The following DOCK8 variants were observed in gnomAD, a reference collection of about 807,000 sequenced individuals.
The protein encoded by DOCK8 is dedicator of cytokinesis protein 8.
Under a neutral mutation model 245.6 loss-of-function variants are expected in DOCK8, and 141 were observed. That is an observed-to-expected ratio of 0.57 (90% CI 0.50 to 0.66). DOCK8 has a LOEUF of 0.66. Ranked by LOEUF, DOCK8 falls within the 30% of genes least tolerant of loss-of-function variation. DOCK8 has a pLI of 0.00. For missense variants in DOCK8, 2,965 were observed against 2,603.4 expected, an observed-to-expected ratio of 1.14 and a Z score of -3.02; for synonymous variants, 1,168 against 970.2, an observed-to-expected ratio of 1.20 and a Z score of -3.79.
intron 14 of DOCK8, 24 bp from the exon 15 acceptor site, chr9:367,994 G>T (rs1163991423): frequency 2.5e-6 from 4 of 1,572,290 alleles, no homozygotes; most frequent in East Asian, 2.2e-5. Context: ...CTTTTTCATT[G>T]ATTCTTTATC....
intron 4 of DOCK8, among the ~76,000 whole-genome samples, chr9:295,544 T>C: frequency 6.6e-6 from 1 of 152,098 alleles, no homozygotes; most frequent in Middle Eastern, 3.2e-3. Context: ...AACACAAAAT[T>C]CTCTCCCATA....
intron 2 of DOCK8, 27 bp downstream of exon 2, chr9:271,756 G>C: frequency 6.6e-7 from 1 of 1,515,684 alleles, no homozygotes; most frequent in East Asian, 2.5e-5. Context: ...GGTTTACTTA[G>C]CGATTGGTCA....
chr9:385,788 A>G (rs1241131519), intron 22 of DOCK8, among the ~76,000 whole-genome samples: 1 of 152,224 alleles, frequency 6.6e-6, no homozygotes, highest in Admixed American at 6.5e-5. Flanking sequence ...GTCTGCAGCT[A>G]TTACTGACAG....
intron 46 of DOCK8, 45 bp downstream of exon 46, chr9:452,162 C>A (rs781151741): frequency 2.3e-6 from 3 of 1,300,132 alleles, no homozygotes; most frequent in East Asian, 4.8e-5. Context: ...CAGTGGTTCT[C>A]AAAGTGCAAT....
At chr9:302,596 G>A (rs923210078) in intron 4 of DOCK8, among the ~76,000 whole-genome samples, 11 of 152,226 alleles carry the variant, frequency 7.2e-5, no homozygotes, top group East Asian at 5.8e-4. Context: ...TTTGCAAACC[G>A]TAAATCTGAA....
chr9:305,116 T>G (rs2049758156), intron 5 of DOCK8, among the ~76,000 whole-genome samples: 1 of 152,146 alleles, frequency 6.6e-6, no homozygotes, highest in Non-Finnish European at 1.5e-5. Flanking sequence ...ATAATTAAAC[T>G]TATTGGGCTT....
chr9:298,449 A>C (rs1157582919), intron 4 of DOCK8, among the ~76,000 whole-genome samples: 1 of 152,188 alleles, frequency 6.6e-6, no homozygotes, highest in African/African-American at 2.4e-5. Flanking sequence ...AACAGAAAAA[A>C]GAATTGATTT....
chr9:217,582 T>C (rs911820044), intron 1 of DOCK8, among the ~76,000 whole-genome samples: 1 of 152,230 alleles, frequency 6.6e-6, no homozygotes, highest in African/African-American at 2.4e-5. Context: ...TTTTCCTTTT[T>C]GAAGCACTCT....
chr9:424,198 C>G (rs1030014393), intron 33 of DOCK8, among the ~76,000 whole-genome samples: 1 of 151,394 alleles, frequency 6.6e-6, no homozygotes, highest in African/African-American at 2.4e-5. Flanking sequence ...GGCTCTGTTT[C>G]TTTTAGAGCA....
chr9:430,874 T>TTTAC (rs1319959773), intron 36 of DOCK8, among the ~76,000 whole-genome samples: 1 of 152,064 alleles, frequency 6.6e-6, no homozygotes, highest in African/African-American at 2.4e-5. Flanking sequence ...TAATATTTTA[T>TTTAC]TTATTTATTT....
chr9:392,542 C>T (rs1347399879), intron 24 of DOCK8, among the ~76,000 whole-genome samples: 1 of 152,204 alleles, frequency 6.6e-6, no homozygotes, highest in African/African-American at 2.4e-5. Flanking sequence ...GTGCATTTAC[C>T]TGTCTTCTCA....
At chr9:230,173 C>T (rs549857507) in intron 1 of DOCK8, among the ~76,000 whole-genome samples, 14 of 150,954 alleles carry the variant, frequency 9.3e-5, no homozygotes, top group South Asian at 4.2e-4. Context: ...TTTGTCCTTG[C>T]GATAGTTTGC....
chr9:262,673 G>A (rs78029983), intron 1 of DOCK8, among the ~76,000 whole-genome samples: 2,438 of 151,862 alleles, frequency 0.016, 25 homozygotes, highest in Non-Finnish European at 0.025. Flanking sequence ...CCAGGAGACG[G>A]AGGGTAAAAA....
intron 1 of DOCK8, among the ~76,000 whole-genome samples, chr9:226,195 T>TA (rs1451126102): frequency 6.6e-6 from 1 of 152,146 alleles, no homozygotes; most frequent in Non-Finnish European, 1.5e-5. Flanking sequence ...AGGCATATCT[T>TA]AAACGGCGGC....
chr9:358,895 G>C (rs1159709335), intron 14 of DOCK8, among the ~76,000 whole-genome samples: 2 of 152,170 alleles, frequency 1.3e-5, no homozygotes, highest in Admixed American at 6.5e-5. Context: ...AATTTGAGCT[G>C]CCTAGCAGCC....
At chr9:335,472 A>G (rs2051265015) in intron 11 of DOCK8, among the ~76,000 whole-genome samples, 1 of 152,132 alleles carries the variant, frequency 6.6e-6, no homozygotes, top group Non-Finnish European at 1.5e-5. Context: ...GCATTTTGTG[A>G]TTGCTGCTGC....
intron 4 of DOCK8, among the ~76,000 whole-genome samples, chr9:303,448 C>T (rs915446548): frequency 2.6e-5 from 4 of 152,216 alleles, no homozygotes; most frequent in Non-Finnish European, 5.9e-5. Context: ...TGAAATACCA[C>T]ACAGCCATAA....
At chr9:258,090 A>G (rs143979743) in intron 1 of DOCK8, among the ~76,000 whole-genome samples, 51 of 128,630 alleles carry the variant, frequency 4.0e-4, no homozygotes, top group African/African-American at 1.2e-3. Context: ...AGCCACCTCC[A>G]TAAGTTCCAT....
At chr9:335,984 A>G (rs958815559) in intron 11 of DOCK8, among the ~76,000 whole-genome samples, 2 of 152,332 alleles carry the variant, frequency 1.3e-5, no homozygotes, top group Non-Finnish European at 1.5e-5. Context: ...CCAAAAGGGG[A>G]TAAGAAACAA....
Sources: allele counts gnomAD v4.1 joint callset (sites outside exome capture counted in the v4.1 genomes callset), GRCh38; gene constraint gnomAD v4.1.1; transcripts MANE v1.5; gene names NCBI Gene and HGNC (gene_info 2026-07-23, HGNC 2026-07-21).